BRD10: variants seen among roughly 807,000 people sequenced by gnomAD.
BRD10 encodes bromodomain containing 10, also known as uncharacterized bromodomain-containing protein 10.
the BRD10 span, chr9:6,007,535 T>C: frequency 6.2e-7 from 1 of 1,613,098 alleles, no homozygotes; most frequent in Non-Finnish European, 8.5e-7. Flanking sequence ...TCGCCCAGGA[T>C]GCGGTAGCCC....
At chr9:5,999,815 C>CA in the BRD10 span, among the ~76,000 whole-genome samples, 871 of 152,240 alleles carry the variant, frequency 5.7e-3, 8 homozygotes, top group African/African-American at 0.02. Flanking sequence ...CTTTGAATCT[C>CA]CCTATAGTGC....
chr9:5,969,460 C>A, the BRD10 span: 4 of 1,412,744 alleles, frequency 2.8e-6, no homozygotes, highest in African/African-American at 4.4e-5. Flanking sequence ...ACAAATTATA[C>A]TATTATTATT....
At chr9:5,948,897 G>A in the BRD10 span, among the ~76,000 whole-genome samples, 1 of 151,898 alleles carries the variant, frequency 6.6e-6, no homozygotes, top group Non-Finnish European at 1.5e-5. Context: ...TATGCAGATG[G>A]GAAAATTTCT....
At chr9:6,006,932 T>G in the BRD10 span, among the ~76,000 whole-genome samples, 4 of 152,200 alleles carry the variant, frequency 2.6e-5, no homozygotes, top group African/African-American at 9.6e-5. Context: ...ACCCATTCCA[T>G]TTTACATCTG....
chr9:6,005,697 G>A, the BRD10 span, among the ~76,000 whole-genome samples: 6 of 152,250 alleles, frequency 3.9e-5, no homozygotes, highest in Admixed American at 3.9e-4. Flanking sequence ...CATCAATCAG[G>A]AGGATACTTC....
the BRD10 span, among the ~76,000 whole-genome samples, chr9:6,005,287 G>C: frequency 6.6e-6 from 1 of 151,572 alleles, no homozygotes; most frequent in Admixed American, 6.6e-5. Context: ...GAGGCGGGCG[G>C]ATCACCTGAG....
the BRD10 span, among the ~76,000 whole-genome samples, chr9:5,956,789 T>G: frequency 6.6e-6 from 1 of 152,166 alleles, no homozygotes; most frequent in Non-Finnish European, 1.5e-5. Context: ...ATACTTAACT[T>G]AGAGTACTGT....
the BRD10 span, among the ~76,000 whole-genome samples, chr9:5,991,279 G>A: frequency 3.9e-5 from 6 of 152,150 alleles, no homozygotes; most frequent in East Asian, 1.9e-4. Flanking sequence ...ATCTAGTAGT[G>A]TATCTGTACA....
the BRD10 span, among the ~76,000 whole-genome samples, chr9:5,941,152 G>A: frequency 2.9e-4 from 44 of 152,146 alleles, no homozygotes; most frequent in African/African-American, 9.4e-4. Context: ...TAAGTTTGGC[G>A]AAATCTTCCA....
the BRD10 span, among the ~76,000 whole-genome samples, chr9:5,985,538 C>T: frequency 2.0e-5 from 3 of 152,176 alleles, no homozygotes; most frequent in Admixed American, 1.3e-4. Context: ...GTAATCCCAA[C>T]ACTGTGGGAG....
the BRD10 span, among the ~76,000 whole-genome samples, chr9:5,998,121 A>C: frequency 1.3e-5 from 2 of 152,136 alleles, no homozygotes; most frequent in South Asian, 4.1e-4. Context: ...AAAAAAAAGA[A>C]AAGTTCTGTT....
the BRD10 span, among the ~76,000 whole-genome samples, chr9:5,934,785 G>C: frequency 1.3e-5 from 2 of 152,278 alleles, no homozygotes; most frequent in East Asian, 1.9e-4. Context: ...GGCACTAAAA[G>C]ATGTCTCATT....
At chr9:5,977,503 T>A in the BRD10 span, among the ~76,000 whole-genome samples, 1 of 152,182 alleles carries the variant, frequency 6.6e-6, no homozygotes, top group South Asian at 2.1e-4. Flanking sequence ...AATCAGCCAT[T>A]TTTAAAAAAA....
At chr9:5,902,677 T>C in the BRD10 span, among the ~76,000 whole-genome samples, 1 of 151,844 alleles carries the variant, frequency 6.6e-6, no homozygotes, top group Non-Finnish European at 1.5e-5. Flanking sequence ...TCTTTTTTTT[T>C]TTTTTAATTT....
the BRD10 span, among the ~76,000 whole-genome samples, chr9:5,903,982 C>G: frequency 7.9e-5 from 12 of 152,070 alleles, no homozygotes; most frequent in African/African-American, 2.9e-4. Flanking sequence ...CTCAGCCTCC[C>G]AAGTAGCTGG....
At chr9:5,965,056 TAAAA>T in the BRD10 span, among the ~76,000 whole-genome samples, 1 of 118,276 alleles carries the variant, frequency 8.5e-6, no homozygotes, top group Non-Finnish European at 1.8e-5. Context: ...TAAAGTATAA[TAAAA>T]AAAAAAAAAA....
At chr9:5,967,564 GAA>G in the BRD10 span, among the ~76,000 whole-genome samples, 8 of 151,562 alleles carry the variant, frequency 5.3e-5, no homozygotes, top group Non-Finnish European at 1.0e-4. Context: ...CATGATGTGG[GAA>G]AAAACAGACC....
the BRD10 span, chr9:5,933,692 A>C: frequency 4.5e-6 from 2 of 444,672 alleles, no homozygotes; most frequent in South Asian, 3.3e-5. Flanking sequence ...ACTACACAAT[A>C]TTGTAAAAAG....
chr9:5,949,349 C>T, the BRD10 span, among the ~76,000 whole-genome samples: 1 of 152,104 alleles, frequency 6.6e-6, no homozygotes, highest in Non-Finnish European at 1.5e-5. Flanking sequence ...CAGAGCGAGA[C>T]TCCGTCTCAA....
Sources: allele counts gnomAD v4.1 joint callset (sites outside exome capture counted in the v4.1 genomes callset), GRCh38; gene constraint gnomAD v4.1.1; transcripts MANE v1.5; gene names NCBI Gene and HGNC (gene_info 2026-07-23, HGNC 2026-07-21).